The following SHISA9 variants were observed in gnomAD, a reference collection of about 807,000 sequenced individuals.
SHISA9 encodes protein shisa-9.
SHISA9 carries 13 observed loss-of-function variants against 38.0 expected under a neutral mutation model. The observed-to-expected ratio is 0.34, with a 90% CI of 0.22 to 0.54. The LOEUF is 0.54. SHISA9 is among the 20% of genes least tolerant of loss of function. The pLI, the probability that SHISA9 is intolerant of heterozygous loss-of-function variation, is 0.91. For synonymous variants in SHISA9, 275 were observed against 242.0 expected, an observed-to-expected ratio of 1.14 and a Z score of -1.27; for missense variants, 538 against 575.8, an observed-to-expected ratio of 0.93 and a Z score of 0.67.
At chr16:13,310,681 A>T in the SHISA9 span, among the ~76,000 whole-genome samples, 2 of 142,402 alleles carry the variant, frequency 1.4e-5, no homozygotes, top group Non-Finnish European at 3.1e-5. Context: ...ATTGATTTTT[A>T]TGCTTTTTTT....
intron 2 of SHISA9, among the ~76,000 whole-genome samples, chr16:13,105,517 G>A (rs370674152): frequency 1.3e-5 from 2 of 152,216 alleles, no homozygotes; most frequent in Non-Finnish European, 1.5e-5. Context: ...GGATGGGTAG[G>A]ATGTCCCCAT....
chr16:13,120,772 G>C (rs867320198), intron 2 of SHISA9, among the ~76,000 whole-genome samples: 7 of 152,190 alleles, frequency 4.6e-5, no homozygotes, highest in South Asian at 4.1e-4. Flanking sequence ...TACTGTTAGC[G>C]AGGGAAGAGG....
intron 2 of SHISA9, among the ~76,000 whole-genome samples, chr16:12,974,966 C>G (rs1040546544): frequency 2.6e-5 from 4 of 152,064 alleles, no homozygotes; most frequent in African/African-American, 9.7e-5. Flanking sequence ...GCTATGGAGC[C>G]AGCTGAGATT....
the SHISA9 span, chr16:13,562,684 C>T: frequency 1.9e-4 from 29 of 149,346 alleles, no homozygotes; most frequent in African/African-American, 6.6e-4. Context: ...AATTCAACTA[C>T]GTGTCTTACC....
At chr16:13,082,790 A>T (rs1022800174) in intron 2 of SHISA9, among the ~76,000 whole-genome samples, 2 of 152,204 alleles carry the variant, frequency 1.3e-5, no homozygotes. Flanking sequence ...GGGGGGCTGA[A>T]GTCTCTTGCC....
At chr16:13,168,723 C>G (rs1398334322) in intron 2 of SHISA9, among the ~76,000 whole-genome samples, 1 of 152,234 alleles carries the variant, frequency 6.6e-6, no homozygotes, top group Non-Finnish European at 1.5e-5. Flanking sequence ...TCTGCATTCT[C>G]TAGCAGGCTA....
At chr16:12,907,952 G>A (rs973354577) in intron 1 of SHISA9, among the ~76,000 whole-genome samples, 2 of 152,154 alleles carry the variant, frequency 1.3e-5, no homozygotes, top group East Asian at 3.9e-4. Context: ...AGTCAGTCAA[G>A]TTGCTCTGCA....
the SHISA9 span, among the ~76,000 whole-genome samples, chr16:13,374,900 A>G: frequency 6.6e-6 from 1 of 152,144 alleles, no homozygotes; most frequent in East Asian, 1.9e-4. Flanking sequence ...TTTGAGTTGC[A>G]TTTCTCTGAT....
intron 2 of SHISA9, among the ~76,000 whole-genome samples, chr16:13,040,123 G>C (rs79792779): frequency 0.068 from 10,371 of 152,172 alleles, 606 homozygotes; most frequent in East Asian, 0.17. Context: ...CTACACGAGA[G>C]CCAGAATTGT....
rs114695640 is a variant in SHISA9, at chr16:12,902,786, C to A, written c.563+159C>A. ...CCGGGAAGCCAACTTCGGCTTGGAACACGGAGAAGGGGCGCTGGGCTCAGC... is the reference window on the plus strand; with the variant it reads ...CCGGGAAGCCAACTTCGGCTTGGAAAACGGAGAAGGGGCGCTGGGCTCAGC... On this transcript the variant is annotated intron_variant, in intron 1 of 4. Transcript: ENST00000558583. 4.3e-5 allele frequency: 31 copies of A among 712,760 alleles called. No individual in the cohort carries two copies. In the African/African-American group the frequency reaches 5.2e-4, roughly 12 times the overall value. The allele number at this position is 712,760 out of a possible 1,614,324, so 44.2% of individuals were successfully genotyped here. A position where few individuals can be genotyped will look rare whatever the true frequency, so the allele number is the denominator to read the frequency against.
At chr16:12,934,044 C>A (rs2071496292) in intron 2 of SHISA9, among the ~76,000 whole-genome samples, 1 of 151,314 alleles carries the variant, frequency 6.6e-6, no homozygotes, top group Admixed American at 6.6e-5. Flanking sequence ...GCATTCTAGC[C>A]AAAACAAAAA....
chr16:13,188,987 T>G (rs900414331), intron 2 of SHISA9, among the ~76,000 whole-genome samples: 2 of 151,998 alleles, frequency 1.3e-5, no homozygotes, highest in African/African-American at 4.8e-5. Context: ...GAGAATGCCA[T>G]GTGAAGACAG....
At chr16:13,556,246 C>T in the SHISA9 span, among the ~76,000 whole-genome samples, 5 of 151,952 alleles carry the variant, frequency 3.3e-5, no homozygotes, top group Admixed American at 2.6e-4. Flanking sequence ...TTATTATTTC[C>T]CATTTAACAG....
In SHISA9 at chr16:12,970,461, ATG is replaced by A. The variant is rs1247338051; in HGVS notation, c.691+53654_691+53655del. Among the ~76,000 whole-genome samples the A allele has an allele frequency of 7.6e-3, 473 of 62,446 alleles. 10 individuals are homozygous for A. Among genetic ancestry groups the A allele is most frequent in the African/African-American group, 0.013 (151 of 11,798 alleles). The allele number at this position is 62,446 out of a possible 152,430, so 41.0% of individuals were successfully genotyped here. ...TATACACACATATATATATACATAT[ATG>A]TGTGTGTATATATATATATATATAT... On this transcript the variant is annotated intron_variant, in intron 2 of 4. Transcript: ENST00000558583.
chr16:13,361,489 A>G, the SHISA9 span, among the ~76,000 whole-genome samples: 2 of 152,370 alleles, frequency 1.3e-5, no homozygotes, highest in Admixed American at 1.3e-4. Flanking sequence ...TACAAGCTTC[A>G]TCTCATTTAT....
chr16:13,373,785 G>C, the SHISA9 span, among the ~76,000 whole-genome samples: 1 of 151,218 alleles, frequency 6.6e-6, no homozygotes, highest in South Asian at 2.1e-4. Context: ...AAAAAGATGG[G>C]AGTGACGATA....
intron 2 of SHISA9, among the ~76,000 whole-genome samples, chr16:13,159,949 C>T (rs2050581021): frequency 6.6e-6 from 1 of 152,208 alleles, no homozygotes; most frequent in Non-Finnish European, 1.5e-5. Flanking sequence ...GTCATAAAAC[C>T]AACTAGCTAT....
At chr16:12,985,068 A>G (rs1198699586) in intron 2 of SHISA9, among the ~76,000 whole-genome samples, 1 of 152,034 alleles carries the variant, frequency 6.6e-6, no homozygotes, top group Non-Finnish European at 1.5e-5. Context: ...CACTTCCTGA[A>G]TACTGTGTTA....
intron 2 of SHISA9, among the ~76,000 whole-genome samples, chr16:13,171,366 C>G (rs1197606202): frequency 6.6e-6 from 1 of 152,038 alleles, no homozygotes. Context: ...TCATGGAAAG[C>G]TACACATTAA....
Sources: gnomAD v4.1 joint callset for allele counts (sites outside exome capture counted in the v4.1 genomes callset) on GRCh38, gnomAD v4.1.1 for gene constraint, MANE v1.5 for transcripts, NCBI Gene and HGNC (gene_info 2026-07-23, HGNC 2026-07-21) for gene names.